The following IQANK1 variants were observed in gnomAD, a reference collection of about 807,000 sequenced individuals.
IQANK1 encodes IQ motif and ankyrin repeat domain-containing protein 1.
Under a neutral mutation model 22.6 loss-of-function variants are expected in IQANK1, and 30 were observed. The observed-to-expected ratio is 1.33, with a 90% CI of 0.99 to 1.80. IQANK1 has a LOEUF of 1.80. IQANK1 is among the 40% of genes most tolerant of loss of function. The probability of loss-of-function intolerance (pLI) is 0.00; values close to 1 mark genes in which losing one functional copy is unlikely to be tolerated. For synonymous variants in IQANK1, 122 were observed against 99.6 expected, an observed-to-expected ratio of 1.23 and a Z score of -1.34; for missense variants, 275 against 235.2, an observed-to-expected ratio of 1.17 and a Z score of -1.11.
At chr8:143,787,157 C>T (rs944557163) in intron 7 of IQANK1, among the ~76,000 whole-genome samples, 1 of 126,974 alleles carries the variant, frequency 7.9e-6, no homozygotes, top group East Asian at 2.2e-4. Context: ...TTCAGTTTTG[C>T]AGGGTATTCA....
chr8:143,789,812 A>G lies in IQANK1; in HGVS notation c.1138A>G (p.Lys380Glu). ...GGACAGGCTGCGGCAGGAGGCCCAG[A>G]AGGCCGAGGAGGCGCTGGCTATGGC... ...QVDRLRQEAQ[K>E]AEEALAMARL... The change falls in exon 11 of 14, where the codon AAG (lysine) becomes GAG (glutamate). Residue 380 changes from lysine to glutamate, a missense_variant. By Grantham distance (56) the Lys-to-Glu change is moderately conservative (BLOSUM62 1). Coordinates refer to ENST00000527139, the MANE Select transcript of IQANK1 (RefSeq NM_001381874.1). The G allele has an allele frequency of 8.1e-7, 1 of 1,232,118 alleles. No individual in the cohort carries two copies. The highest frequency in any genetic ancestry group is 1.0e-6 in the Non-Finnish European group (1 of 988,108). 76.3% of individuals were successfully genotyped at this position (1,232,118 alleles called of 1,614,324 possible).
At position 143,790,450 on chromosome 8, in the gene IQANK1, C is replaced by A; in HGVS notation, c.1525C>A (p.Arg509=). Residue 509 remains arginine, a synonymous_variant, in exon 14 of 14, where the codon CGG becomes AGG. Coordinates refer to ENST00000527139, the MANE Select transcript of IQANK1 (RefSeq NM_001381874.1). ...GCAGGAGAGGTACCTGTCGCTGCTG[C>A]GGCCCACGGACGGGCCTGAGTATAG... ...AVQERYLSLL[R]PTDGPEYSPT... is the part of the protein sequence containing the mutation. 1 of 489,468 alleles carries A rather than the reference C, an allele frequency of 2.0e-6. No homozygotes were observed. The highest frequency in any genetic ancestry group is 3.2e-6 in the Non-Finnish European group (1 of 309,316). The allele number at this position is 489,468 out of a possible 1,614,324, so 30.3% of individuals were successfully genotyped here. A position where few individuals can be genotyped will look rare whatever the true frequency, so the allele number is the denominator to read the frequency against.
intron 7 of IQANK1, among the ~76,000 whole-genome samples, chr8:143,788,656 C>T (rs1587497500): frequency 1.3e-5 from 2 of 152,336 alleles, no homozygotes; most frequent in South Asian, 4.1e-4. Context: ...CTTGGAGGCC[C>T]AGCCACAGGA....
intron 7 of IQANK1, among the ~76,000 whole-genome samples, chr8:143,775,821 C>CACACA (rs1439862039): frequency 2.8e-5 from 4 of 141,400 alleles, no homozygotes; most frequent in African/African-American, 1.3e-4. Flanking sequence ...CACACACACA[C>CACACA]ACCATTCCTA....
At chr8:143,785,619 G>A (rs192245629) in intron 7 of IQANK1, among the ~76,000 whole-genome samples, 25 of 152,110 alleles carry the variant, frequency 1.6e-4, no homozygotes, top group Admixed American at 1.4e-3. Flanking sequence ...GAGTGCAGTG[G>A]TGTGATCACA....
intron 3 of IQANK1, among the ~76,000 whole-genome samples, chr8:143,749,500 CAT>C (rs200843617): frequency 0.073 from 9,533 of 129,786 alleles, 1,247 homozygotes; most frequent in African/African-American, 0.26. Context: ...AAATATATAT[CAT>C]ATAAATATAT....
Position 143,790,392 on chromosome 8 carries a change from G to GTT in IQANK1, c.1468_1469dup (p.Pro491SerfsTer?). 1.1e-6 allele frequency: 1 copy of GTT among 901,954 alleles called. No homozygotes were observed. 55.9% of individuals were successfully genotyped at this position (901,954 alleles called of 1,614,324 possible). On this transcript the variant is annotated frameshift_variant, in exon 14 of 14. Transcript: ENST00000527139. LOFTEE classifies it low-confidence loss of function (END_TRUNC). The stretch of plus-strand genomic sequence containing the variant: ...TGTTCGACCTGCGAGAGGAAGACCT[G>GTT]TTCCCAGTCGTGCAGCGGCAGCTGG...
chr8:143,738,215 C>T (rs1554625955), intron 2 of IQANK1, among the ~76,000 whole-genome samples: 1 of 152,188 alleles, frequency 6.6e-6, no homozygotes, highest in African/African-American at 2.4e-5. Flanking sequence ...TTTGCGAACT[C>T]GACTTCGTTT....
At chr8:143,751,652 G>A (rs371383419) in intron 3 of IQANK1, among the ~76,000 whole-genome samples, 3,723 of 33,188 alleles carry the variant, frequency 0.11, 317 homozygotes, top group African/African-American at 0.22. Context: ...GTGTGTGTGT[G>A]TGTGTGTGTG....
chr8:143,785,526 G>A (rs1361086557), intron 7 of IQANK1, among the ~76,000 whole-genome samples: 1 of 151,628 alleles, frequency 6.6e-6, no homozygotes, highest in Admixed American at 6.6e-5. Flanking sequence ...AAAGTGCTGA[G>A]ATTATAGGCG....
At chr8:143,777,520 T>TA (rs58155811) in intron 7 of IQANK1, among the ~76,000 whole-genome samples, 3,333 of 97,790 alleles carry the variant, frequency 0.034, 53 homozygotes, top group African/African-American at 0.051. Flanking sequence ...GACTCCGTCT[T>TA]AAAAAAAAAA....
rs146961818 is a variant in IQANK1 at position 143,787,656 on chromosome 8, C to T, written c.790-1259C>T. On this transcript the variant is annotated intron_variant, in intron 7 of 13. Transcript: ENST00000527139. ...CCTGGAAGAGCTACAGGGAACTCAT[C>T]CTGCCCCCGCTCTTTCCCCTCATCC... 3.4e-3 allele frequency among the ~76,000 whole-genome samples: 516 copies of T among 152,282 alleles called. 4 individuals are homozygous for T. Among genetic ancestry groups the T allele is most frequent in the African/African-American group, 0.011 (470 of 41,546 alleles).
At chr8:143,788,461 G>C (rs1819936459) in intron 7 of IQANK1, among the ~76,000 whole-genome samples, 1 of 152,210 alleles carries the variant, frequency 6.6e-6, no homozygotes, top group Non-Finnish European at 1.5e-5. Flanking sequence ...CGGCCCCAGG[G>C]ATTGTGTCCT....
intron 5 of IQANK1, 23 bp from the exon 6 acceptor site, chr8:143,772,029 G>C (rs1324950236): frequency 2.5e-6 from 1 of 395,924 alleles, no homozygotes; most frequent in East Asian, 3.6e-5. Context: ...AGCGGGGAGC[G>C]GTGACCGCGG....
intron 3 of IQANK1, chr8:143,743,795 A>C (rs1818971538): frequency 2.0e-5 from 8 of 398,060 alleles, no homozygotes; most frequent in South Asian, 1.1e-4. Flanking sequence ...CAGAAACATT[A>C]GTTTCATATA....
chr8:143,765,825 C>A (rs972462838), intron 3 of IQANK1, among the ~76,000 whole-genome samples: 1 of 152,164 alleles, frequency 6.6e-6, no homozygotes, highest in Non-Finnish European at 1.5e-5. Flanking sequence ...CTGTTATGTG[C>A]ATATAACATT....
At chr8:143,779,002 G>C (rs1359611537) in intron 7 of IQANK1, among the ~76,000 whole-genome samples, 1 of 152,168 alleles carries the variant, frequency 6.6e-6, no homozygotes, top group African/African-American at 2.4e-5. Context: ...CCTGACCTCA[G>C]GTGGGCTGCC....
chr8:143,745,890 A>G (rs559720156), intron 3 of IQANK1: 5 of 152,408 alleles, frequency 3.3e-5, no homozygotes, highest in Admixed American at 2.6e-4. Context: ...AGCTAGGACT[A>G]TAGGCACACA....
chr8:143,735,971 C>T lies in IQANK1; in HGVS notation c.85+33C>T. Reference sequence around the variant, plus strand: ...CACCCTCTGACCTCCAGAGCACTGTCACCCAGACACTGACCTGTGAGACCT... The same window carrying T: ...CACCCTCTGACCTCCAGAGCACTGTTACCCAGACACTGACCTGTGAGACCT... On this transcript the variant is annotated intron_variant, in intron 2 of 13. Transcript: ENST00000527139. The surrounding 1 kb of genome is among the most constrained non-coding windows in gnomAD (Gnocchi z 5.2). 1.4e-6 allele frequency: 1 copy of T among 702,412 alleles called. No individual in the cohort carries two copies. Among genetic ancestry groups the T allele is most frequent in the Non-Finnish European group, 2.6e-6 (1 of 384,792 alleles). The allele number at this position is 702,412 out of a possible 1,614,324, so 43.5% of individuals were successfully genotyped here. A position where few individuals can be genotyped will look rare whatever the true frequency, so the allele number is the denominator to read the frequency against.
Sources: gnomAD v4.1 joint callset for allele counts (sites outside exome capture counted in the v4.1 genomes callset) on GRCh38, gnomAD v4.1.1 for gene constraint, Gnocchi (gnomAD v3.1) non-coding constraint, MANE v1.5 for transcripts, NCBI Gene and HGNC (gene_info 2026-07-23, HGNC 2026-07-21) for gene names.